Variants in JHY observed in about 807,000 individuals in gnomAD.
The protein encoded by JHY is junctional cadherin complex regulator.
A neutral mutation model predicts 78.0 loss-of-function variants in JHY; 69 were observed. That is an observed-to-expected ratio of 0.88 (90% confidence interval 0.73 to 1.08). The LOEUF (loss-of-function observed/expected upper bound fraction) is 1.08. Among genes scored for constraint, JHY ranks in the 50% least tolerant of loss-of-function variants. The pLI, the probability that JHY is intolerant of heterozygous loss-of-function variation, is 0.00. For synonymous variants in JHY, 368 were observed against 342.6 expected (o/e 1.07, Z -0.82); for missense variants, 944 against 927.8 (o/e 1.02, Z -0.23).
intron 3 of JHY, among the ~76,000 whole-genome samples, chr11:122,920,797 A>G (rs1489289663): frequency 3.3e-5 from 5 of 152,222 alleles, no homozygotes; most frequent in Non-Finnish European, 5.9e-5. Flanking sequence ...CTGCGCTTCA[A>G]CAATAGCAGC....
At chr11:122,907,397 G>A (rs1023205660) in intron 3 of JHY, among the ~76,000 whole-genome samples, 1 of 152,046 alleles carries the variant, frequency 6.6e-6, no homozygotes, top group African/African-American at 2.4e-5. Context: ...AAAAGGCTGA[G>A]TAAACATAAG....
rs555323417 is a variant in JHY, at chr11:122,945,707, A to G, written c.1635-791A>G. The stretch of plus-strand genomic sequence containing the variant: ...ATCCCTCATCCAAGATCATTGTTAC[A>G]TTAGTTTCTTCATGTTGGATTTCCG... On this transcript the variant is annotated intron_variant, in intron 5 of 8. Transcript: ENST00000227349. 2.6e-5 allele frequency among the ~76,000 whole-genome samples: 4 copies of G among 152,330 alleles called. No homozygotes were observed. The East Asian group carries it at 5.8e-4, about 22-fold the overall frequency.
intron 5 of JHY, among the ~76,000 whole-genome samples, chr11:122,938,907 C>G (rs1002468422): frequency 6.6e-6 from 1 of 151,258 alleles, no homozygotes; most frequent in Non-Finnish European, 1.5e-5. Context: ...AAACCTCCAG[C>G]GAGCTGCGGA....
intron 3 of JHY, among the ~76,000 whole-genome samples, chr11:122,916,796 G>A (rs1469010778): frequency 6.6e-6 from 1 of 151,762 alleles, no homozygotes. Context: ...CTGCCATGAC[G>A]CCCAGCTAAA....
At chr11:122,887,137 A>G (rs79375030) in intron 2 of JHY, among the ~76,000 whole-genome samples, 2,291 of 152,354 alleles carry the variant, frequency 0.015, 35 homozygotes, top group Non-Finnish European at 0.023. Flanking sequence ...TTGGGTTCAG[A>G]TAGTGGCTCT....
chr11:122,963,757 T>TG lies in JHY; in HGVS notation c.*4314dup, dbSNP rs1864357512. 1.3e-5 allele frequency among the ~76,000 whole-genome samples: 2 copies of TG among 152,164 alleles called. No individual in the cohort carries two copies. The highest frequency in any genetic ancestry group is 1.3e-4 in the Admixed American group (2 of 15,270). ...ACTTCAAACTTAAGTGATGTAATGA[T>TG]GGAGCACCTGTATTTGACTAGATGT... On this transcript the variant is annotated 3_prime_UTR_variant, in exon 9 of 9. Transcript: ENST00000227349.
chr11:122,939,622 C>T (rs4477449), intron 5 of JHY, among the ~76,000 whole-genome samples: 46,749 of 152,022 alleles, frequency 0.31, 9,164 homozygotes, highest in African/African-American at 0.56. Context: ...TATTCTGCCA[C>T]GTTTTTTCTA....
At position 122,904,193 on chromosome 11, in the gene JHY, C is replaced by T; in HGVS notation, c.613C>T (p.Arg205Cys). 6.2e-7 allele frequency: 1 copy of T among 1,614,120 alleles called. No homozygotes were observed. The highest frequency in any genetic ancestry group is 8.5e-7 in the Non-Finnish European group (1 of 1,180,018). The part of the protein sequence containing the change: ...FLSPNYEHGA[R>C]RSKPFSELSD... ...AAGCCCAAACTATGAGCATGGTGCC[C>T]GTCGCAGCAAGCCGTTTTCAGAGCT... Residue 205 changes from arginine to cysteine, a missense_variant, in exon 3 of 9, where the codon CGT becomes TGT. Arg to Cys is a radical substitution (Grantham distance 180, BLOSUM62 -3). Transcript: ENST00000227349.
At chr11:122,956,928 C>G (rs1016303604) in intron 7 of JHY, among the ~76,000 whole-genome samples, 1 of 152,032 alleles carries the variant, frequency 6.6e-6, no homozygotes, top group African/African-American at 2.4e-5. Context: ...AAGACACTTA[C>G]GGGAAGAGTT....
In JHY at chr11:122,956,308, G is replaced by A. The variant is rs149793965; in HGVS notation, c.1930-188G>A. Among the ~76,000 whole-genome samples, 148 of 152,272 alleles carry A rather than the reference G, an allele frequency of 9.7e-4. No individual in the cohort carries two copies. In the East Asian group the frequency reaches 0.013, roughly 13 times the overall value. On this transcript the variant is annotated intron_variant, in intron 6 of 8. Coordinates refer to ENST00000227349, the MANE Select transcript of JHY (RefSeq NM_024806.4). ...AGCTAACCAGCTACGAATTACCAAA[G>A]AGACTATTACCAATAACTACCATGA...
chr11:122,928,428 CAAT>C (rs1349027603), intron 4 of JHY, among the ~76,000 whole-genome samples: 1 of 152,026 alleles, frequency 6.6e-6, no homozygotes, highest in African/African-American at 2.4e-5. Context: ...ACCCTAACAA[CAAT>C]AACCTTCACT....
At chr11:122,886,914 A>C (rs1379386453) in intron 2 of JHY, among the ~76,000 whole-genome samples, 2 of 152,230 alleles carry the variant, frequency 1.3e-5, no homozygotes, top group Non-Finnish European at 2.9e-5. Flanking sequence ...TTGTATGATC[A>C]TATAAAGATT....
At chr11:122,908,839 C>G (rs1863049422) in intron 3 of JHY, among the ~76,000 whole-genome samples, 1 of 152,192 alleles carries the variant, frequency 6.6e-6, no homozygotes, top group Non-Finnish European at 1.5e-5. Flanking sequence ...GCTGGGATTA[C>G]AGGCACCCGC....
intron 2 of JHY, among the ~76,000 whole-genome samples, chr11:122,902,820 T>C (rs1487267366): frequency 6.6e-6 from 1 of 152,182 alleles, no homozygotes; most frequent in Non-Finnish European, 1.5e-5. Context: ...TCTGTCCCCA[T>C]GATCCAGTCA....
Position 122,885,742 on chromosome 11 carries a change from TA to T in JHY, c.-89-16del. The T allele has an allele frequency of 2.5e-6, 2 of 808,422 alleles. No individual in the cohort carries two copies. The highest frequency in any genetic ancestry group is 3.9e-6 in the Non-Finnish European group (2 of 512,920). 50.1% of individuals were successfully genotyped at this position (808,422 alleles called of 1,614,324 possible). ...AGATTTTAGTGGTCGCAGAGTAACA[TA>T]AATATATTTTTTTTCAGGTAACGCT... On this transcript the variant is annotated intron_variant, in intron 1 of 8. Transcript: ENST00000227349.
intron 5 of JHY, among the ~76,000 whole-genome samples, chr11:122,946,133 G>A (rs532321054): frequency 2.6e-4 from 40 of 152,202 alleles, no homozygotes; most frequent in African/African-American, 8.2e-4. Flanking sequence ...GTTCGTTTTG[G>A]TCTTTAGAGA....
chr11:122,954,838 C>A (rs1202832221), intron 6 of JHY, among the ~76,000 whole-genome samples: 2 of 145,548 alleles, frequency 1.4e-5, no homozygotes, highest in Non-Finnish European at 3.0e-5. Context: ...CAGGAGATTT[C>A]AAAATTGATA....
chr11:122,950,757 T>C (rs923438354), intron 6 of JHY, among the ~76,000 whole-genome samples: 12 of 152,218 alleles, frequency 7.9e-5, no homozygotes, highest in Non-Finnish European at 1.3e-4. Flanking sequence ...TATGTTTTAC[T>C]GAGAAAAGTA....
At chr11:122,924,133 G>T (rs898539117) in intron 3 of JHY, among the ~76,000 whole-genome samples, 6 of 152,002 alleles carry the variant, frequency 3.9e-5, no homozygotes, top group African/African-American at 1.4e-4. Flanking sequence ...TTTGAGGTGG[G>T]ATCAGGGCAT....
Sources: gnomAD v4.1 joint callset for allele counts (sites outside exome capture counted in the v4.1 genomes callset) on GRCh38, gnomAD v4.1.1 for gene constraint, MANE v1.5 for transcripts, NCBI Gene and HGNC (gene_info 2026-07-23, HGNC 2026-07-21) for gene names.